WWOX: variants seen among roughly 807,000 people sequenced by gnomAD.
WWOX encodes WW domain containing oxidoreductase, also known as WW domain-containing oxidoreductase.
WWOX carries 69 observed loss-of-function variants against 46.2 expected under a neutral mutation model. The ratio of observed to expected loss-of-function variants is 1.49; its 90% CI spans 1.23 to 1.82. The LOEUF is 1.82. Ranked by LOEUF, WWOX falls within the 40% of genes most tolerant of loss-of-function variation. The probability of loss-of-function intolerance (pLI) is 0.00; values close to 1 mark genes in which losing one functional copy is unlikely to be tolerated. For synonymous variants in WWOX, 359 were observed against 202.6 expected, an observed-to-expected ratio of 1.77 and a Z score of -6.56; for missense variants, 919 against 542.6, an observed-to-expected ratio of 1.69 and a Z score of -6.89.
intron 5 of WWOX, among the ~76,000 whole-genome samples, chr16:78,276,783 G>T (rs1187610678): frequency 1.3e-5 from 2 of 152,174 alleles, no homozygotes; most frequent in Non-Finnish European, 2.9e-5. Context: ...CGGGGGCTAG[G>T]ATATTTACTG....
At chr16:78,454,284 T>A (rs982817406) in intron 8 of WWOX, among the ~76,000 whole-genome samples, 1 of 152,148 alleles carries the variant, frequency 6.6e-6, no homozygotes, top group Non-Finnish European at 1.5e-5. Context: ...TAAAACAGCA[T>A]CTCTCAAACT....
intron 8 of WWOX, among the ~76,000 whole-genome samples, chr16:79,044,795 G>GATC (rs764540500): frequency 3.3e-5 from 5 of 152,130 alleles, no homozygotes; most frequent in Admixed American, 6.5e-5. Context: ...GAAGAGTGTG[G>GATC]ATCTTAAAGT....
At chr16:78,914,601 C>T (rs181315822) in intron 8 of WWOX, among the ~76,000 whole-genome samples, 7 of 151,958 alleles carry the variant, frequency 4.6e-5, no homozygotes, top group South Asian at 4.2e-4. Flanking sequence ...GAAACCAGGC[C>T]GGGAGCAGCG....
intron 8 of WWOX, among the ~76,000 whole-genome samples, chr16:79,036,512 C>T (rs976895587): frequency 3.9e-5 from 6 of 152,210 alleles, no homozygotes; most frequent in African/African-American, 1.4e-4. Flanking sequence ...CCGAGCAGCT[C>T]CTAAGGAAGT....
At chr16:78,582,954 C>G (rs541411814) in intron 8 of WWOX, among the ~76,000 whole-genome samples, 15 of 152,318 alleles carry the variant, frequency 9.8e-5, no homozygotes, top group Admixed American at 3.3e-4. Context: ...TGGGGCATCA[C>G]AGTCTCATGA....
At chr16:78,647,413 C>G (rs989600028) in intron 8 of WWOX, among the ~76,000 whole-genome samples, 3 of 152,146 alleles carry the variant, frequency 2.0e-5, no homozygotes, top group African/African-American at 4.8e-5. Context: ...CTCCAGGTTT[C>G]TATCATTACA....
At chr16:79,025,025 A>G (rs536524060) in intron 8 of WWOX, among the ~76,000 whole-genome samples, 58 of 152,330 alleles carry the variant, frequency 3.8e-4, no homozygotes, top group African/African-American at 1.4e-3. Flanking sequence ...CGCCAGGCCC[A>G]GTTGGGGAGG....
At chr16:79,172,073 G>A (rs896853164) in intron 8 of WWOX, among the ~76,000 whole-genome samples, 2 of 152,190 alleles carry the variant, frequency 1.3e-5, no homozygotes, top group Non-Finnish European at 2.9e-5. Context: ...CCTCCCCTGT[G>A]TTAGCACGTG....
intron 8 of WWOX, among the ~76,000 whole-genome samples, chr16:78,791,018 CAA>C (rs775592585): frequency 1.3e-4 from 8 of 62,432 alleles, no homozygotes; most frequent in Admixed American, 4.5e-4. Flanking sequence ...GACCCTGTCT[CAA>C]AAAAAAAAAA....
At chr16:78,833,034 CTTT>C (rs35798902) in intron 8 of WWOX, among the ~76,000 whole-genome samples, 223 of 139,562 alleles carry the variant, frequency 1.6e-3, no homozygotes, top group African/African-American at 1.6e-3. Flanking sequence ...TTCTCTCGAT[CTTT>C]TTTTTTTTTT....
chr16:78,415,585 C>G (rs902198920), intron 6 of WWOX, among the ~76,000 whole-genome samples: 16 of 152,082 alleles, frequency 1.1e-4, no homozygotes, highest in Admixed American at 1.0e-3. Flanking sequence ...AAGATGGAGT[C>G]TGTTAGGTTA....
intron 8 of WWOX, chr16:78,890,736 C>G (rs962533127): frequency 1.3e-5 from 2 of 152,190 alleles, no homozygotes; most frequent in African/African-American, 4.8e-5. Context: ...TGATGACTTC[C>G]TCATTCACTT....
intron 8 of WWOX, among the ~76,000 whole-genome samples, chr16:78,970,692 A>T (rs1438258529): frequency 6.6e-6 from 1 of 152,202 alleles, no homozygotes; most frequent in Non-Finnish European, 1.5e-5. Context: ...CCATAATTTA[A>T]AAAGATAGGA....
chr16:79,069,135 A>G (rs192180884), intron 8 of WWOX, among the ~76,000 whole-genome samples: 56 of 152,312 alleles, frequency 3.7e-4, no homozygotes, highest in African/African-American at 1.3e-3. Context: ...ACTTCGGGGA[A>G]AGGTGGGCCC....
chr16:79,195,335 C>G (rs949759504), intron 8 of WWOX, among the ~76,000 whole-genome samples: 1 of 152,074 alleles, frequency 6.6e-6, no homozygotes, highest in African/African-American at 2.4e-5. Context: ...ATGCTCCAGT[C>G]AATCCCAAGG....
intron 8 of WWOX, among the ~76,000 whole-genome samples, chr16:78,834,857 G>A (rs879407924): frequency 9.2e-5 from 14 of 152,032 alleles, no homozygotes; most frequent in Admixed American, 2.6e-4. Context: ...ATGATTGTTC[G>A]TAATGACATT....
At chr16:78,997,168 C>T (rs1028469597) in intron 8 of WWOX, among the ~76,000 whole-genome samples, 16 of 151,100 alleles carry the variant, frequency 1.1e-4, no homozygotes, top group African/African-American at 2.2e-4. Context: ...GTGCTATTTT[C>T]CGGGGGAAGA....
chr16:78,449,851 T>C (rs1370845865), intron 8 of WWOX, among the ~76,000 whole-genome samples: 1 of 152,176 alleles, frequency 6.6e-6, no homozygotes, highest in Non-Finnish European at 1.5e-5. Flanking sequence ...AAATGTGTAT[T>C]GCAGAATTTG....
intron 4 of WWOX, among the ~76,000 whole-genome samples, chr16:78,131,859 C>G (rs2033607147): frequency 6.6e-6 from 1 of 151,586 alleles, no homozygotes; most frequent in Non-Finnish European, 1.5e-5. Flanking sequence ...GCTGGGATTA[C>G]AGGCGTGAGC....
Sources: gnomAD v4.1 joint callset for allele counts (sites outside exome capture counted in the v4.1 genomes callset) on GRCh38, gnomAD v4.1.1 for gene constraint, MANE v1.5 for transcripts, NCBI Gene and HGNC (gene_info 2026-07-23, HGNC 2026-07-21) for gene names.